Variants in KCNQ1 observed in about 807,000 individuals in gnomAD.
The protein encoded by KCNQ1 is potassium voltage-gated channel subfamily KQT member 1.
Under a neutral mutation model 72.4 loss-of-function variants are expected in KCNQ1, and 49 were observed. That is an observed-to-expected ratio of 0.68 (90% CI 0.54 to 0.86). KCNQ1 has a LOEUF of 0.86. Among genes scored for constraint, KCNQ1 ranks in the 40% least tolerant of loss-of-function variants. The pLI is 0.00. For synonymous variants in KCNQ1, 450 were observed against 412.6 expected, an observed-to-expected ratio of 1.09 and a Z score of -1.10; for missense variants, 790 against 945.1, an observed-to-expected ratio of 0.84 and a Z score of 2.15.
At position 2,590,631 on chromosome 11, in the gene KCNQ1, G is replaced by C. The variant is rs1017038267; in HGVS notation, c.1393+1777G>C. On this transcript the variant is annotated intron_variant, in intron 10 of 15. Coordinates refer to ENST00000155840, the MANE Select transcript of KCNQ1 (RefSeq NM_000218.3). ...CATCACGCACGTGGGCCTTGCATTG[G>C]TTCCTGCTTACTTTGTCTCTGCTGA... is the stretch of plus-strand genomic sequence containing the variant. Among the ~76,000 whole-genome samples, 8 of 152,208 alleles carry C rather than the reference G, an allele frequency of 5.3e-5. No individual in the cohort carries two copies. In the South Asian group the frequency reaches 1.7e-3, roughly 31 times the overall value.
intron 10 of KCNQ1, chr11:2,615,010 C>G (rs1849038546): frequency 2.5e-6 from 1 of 398,282 alleles, no homozygotes; most frequent in African/African-American, 2.1e-5. Context: ...AATATTTAAT[C>G]TTCCAATCTG....
At position 2,647,219 on chromosome 11, in the gene KCNQ1, CTATT is replaced by C. The variant is rs1336684727; in HGVS notation, c.1394-14741_1394-14738del. The C allele has an allele frequency of 5.0e-6, 2 of 398,106 alleles. No homozygotes were observed. The highest frequency in any genetic ancestry group is 8.8e-6 in the Non-Finnish European group (2 of 226,002). 24.7% of individuals were successfully genotyped at this position (398,106 alleles called of 1,614,324 possible). On this transcript the variant is annotated intron_variant, in intron 10 of 15. Coordinates refer to ENST00000155840, the MANE Select transcript of KCNQ1 (RefSeq NM_000218.3). The surrounding 1 kb of genome is among the most constrained non-coding windows in gnomAD (Gnocchi z 4.0). ...ATTTTATCAGATGCTTTTTCTGCAT[CTATT>C]GAGATGATCATGTATTTTTTTGTCC...
Position 2,541,104 on chromosome 11 carries a change from C to G in KCNQ1, c.477+13086C>G, listed in dbSNP as rs573002588. ...ACGTGCCTGCATGCACACGTGCACACGTGCACACCCAGCCCTGGACCTCAG... is the reference window on the plus strand; with the variant it reads ...ACGTGCCTGCATGCACACGTGCACAGGTGCACACCCAGCCCTGGACCTCAG... On this transcript the variant is annotated intron_variant, in intron 2 of 15. Transcript: ENST00000155840. This position sits in a 1 kb window ranked among gnomAD's most constrained non-coding sequence, Gnocchi z 4.8. Among the ~76,000 whole-genome samples the G allele has an allele frequency of 1.3e-5, 2 of 152,250 alleles. No individual in the cohort carries two copies. Among genetic ancestry groups the G allele is most frequent in the Non-Finnish European group, 2.9e-5 (2 of 68,040 alleles).
Position 2,708,111 on chromosome 11 carries a change from G to A in KCNQ1, c.1514+46030G>A, listed in dbSNP as rs530906002. Among the ~76,000 whole-genome samples, 31 of 152,332 alleles carry A rather than the reference G, an allele frequency of 2.0e-4. 1 individual carries two copies. The South Asian group carries it at 6.0e-3, about 30-fold the overall frequency. Reference sequence around the variant, plus strand: ...AGATCGGGGGCACCCAGGAGACCACGCTCATGAATTGTTCCACTTGAACAC... The same window carrying A: ...AGATCGGGGGCACCCAGGAGACCACACTCATGAATTGTTCCACTTGAACAC... On this transcript the variant is annotated intron_variant, in intron 11 of 15. Coordinates refer to ENST00000155840, the MANE Select transcript of KCNQ1 (RefSeq NM_000218.3).
Position 2,809,820 on chromosome 11 carries a change from C to CCCAAACCCTCCTT in KCNQ1, c.1794+31786_1794+31798dup, listed in dbSNP as rs1405333661. On this transcript the variant is annotated intron_variant, in intron 15 of 15. Coordinates refer to ENST00000155840, the MANE Select transcript of KCNQ1 (RefSeq NM_000218.3). This position sits in a 1 kb window ranked among gnomAD's most constrained non-coding sequence, Gnocchi z 7.1. ...CTGTCTCTAATTGATGTGTTTTCCT[C>CCCAAACCCTCCTT]CCAAACCCTCCTTCCTTGCATAATT... 2.0e-5 allele frequency among the ~76,000 whole-genome samples: 3 copies of CCCAAACCCTCCTT among 152,132 alleles called. No individual in the cohort carries two copies. Among genetic ancestry groups the CCCAAACCCTCCTT allele is most frequent in the African/African-American group, 7.2e-5 (3 of 41,404 alleles).
intron 10 of KCNQ1, chr11:2,637,328 A>C (rs949389682): frequency 6.6e-6 from 1 of 152,162 alleles, no homozygotes; most frequent in Non-Finnish European, 1.5e-5. Context: ...TAGTGCTATA[A>C]ATTTCCCTCT....
In KCNQ1 at chr11:2,817,196, C is replaced by T. The variant is rs777932806; in HGVS notation, c.1795-30571C>T. Among the ~76,000 whole-genome samples, 3 of 152,254 alleles carry T rather than the reference C, an allele frequency of 2.0e-5. No individual in the cohort carries two copies. Among genetic ancestry groups the T allele is most frequent in the South Asian group, 2.1e-4 (1 of 4,838 alleles). Reference sequence around the variant, plus strand: ...AAGGGTTAACGGTGCAAGCTCCTCACGGCACCAGTGCGCTTGCCTTTGACA... The same window carrying T: ...AAGGGTTAACGGTGCAAGCTCCTCATGGCACCAGTGCGCTTGCCTTTGACA... On this transcript the variant is annotated intron_variant, in intron 15 of 15. Transcript: ENST00000155840. The surrounding 1 kb of genome is among the most constrained non-coding windows in gnomAD (Gnocchi z 6.1).
At position 2,541,318 on chromosome 11, in the gene KCNQ1, G is replaced by C. The variant is rs913319392; in HGVS notation, c.477+13300G>C. ...GCACCATGTGCTGAGAATGATGCGT[G>C]CATTCAGAGCAGCATTTGGTGGGGA... On this transcript the variant is annotated intron_variant, in intron 2 of 15. Transcript: ENST00000155840. This position sits in a 1 kb window ranked among gnomAD's most constrained non-coding sequence, Gnocchi z 4.8. 6.6e-6 allele frequency among the ~76,000 whole-genome samples: 1 copy of C among 152,248 alleles called. No homozygotes were observed. Among genetic ancestry groups the C allele is most frequent in the Admixed American group, 6.5e-5 (1 of 15,292 alleles).
At chr11:2,540,475 C>T (rs768881195) in intron 2 of KCNQ1, among the ~76,000 whole-genome samples, 9 of 152,320 alleles carry the variant, frequency 5.9e-5, no homozygotes, top group Non-Finnish European at 1.0e-4. Context: ...TTTCTTTCTC[C>T]CGGGTATAAA....
At chr11:2,777,794 C>T (rs1846737063) in intron 14 of KCNQ1, 182 bp from the exon 15 acceptor site, 1 of 643,664 alleles carries the variant, frequency 1.6e-6, no homozygotes, top group Non-Finnish European at 2.8e-6. Context: ...CAGCCATGCC[C>T]GGCCACCGTA....
At position 2,651,177 on chromosome 11, in the gene KCNQ1, C is replaced by T. The variant is rs1236083782; in HGVS notation, c.1394-10784C>T. ...TACAGTGGATCTTGCTGCTTCCCTA[C>T]TCAAATGTTCCGACAGCTTCCTGTC... is the stretch of plus-strand genomic sequence containing the variant. On this transcript the variant is annotated intron_variant, in intron 10 of 15. Transcript: ENST00000155840. This position sits in a 1 kb window ranked among gnomAD's most constrained non-coding sequence, Gnocchi z 6.1. 1.8e-5 allele frequency: 7 copies of T among 398,230 alleles called. No homozygotes were observed. In the East Asian group the frequency reaches 2.5e-4, roughly 14 times the overall value. The allele number at this position is 398,230 out of a possible 1,614,324, so 24.7% of individuals were successfully genotyped here. A position where few individuals can be genotyped will look rare whatever the true frequency, so the allele number is the denominator to read the frequency against.
intron 11 of KCNQ1, chr11:2,697,117 G>A (rs1448388739): frequency 5.0e-6 from 2 of 398,444 alleles, no homozygotes; most frequent in Non-Finnish European, 8.8e-6. Context: ...CAAAGATAAA[G>A]AGTTTTCCAG....
chr11:2,574,699 A>T (rs904741792), intron 6 of KCNQ1, among the ~76,000 whole-genome samples: 1 of 152,112 alleles, frequency 6.6e-6, no homozygotes, highest in Non-Finnish European at 1.5e-5. Flanking sequence ...TTCCCCCATG[A>T]GGCCAGACAC....
At chr11:2,560,299 G>C in intron 2 of KCNQ1, among the ~76,000 whole-genome samples, 1 of 57,048 alleles carries the variant, frequency 1.8e-5, no homozygotes, top group East Asian at 6.9e-4. Flanking sequence ...GGGGAGTGGG[G>C]GCGGTGACGT....
In KCNQ1 at chr11:2,683,838, C is replaced by G; in HGVS notation, c.1514+21757C>G. 1 of 398,664 alleles carries G rather than the reference C, an allele frequency of 2.5e-6. No individual in the cohort carries two copies. Among genetic ancestry groups the G allele is most frequent in the South Asian group, 1.3e-4 (1 of 7,860 alleles). The allele number at this position is 398,664 out of a possible 1,614,324, so 24.7% of individuals were successfully genotyped here. A position where few individuals can be genotyped will look rare whatever the true frequency, so the allele number is the denominator to read the frequency against. On this transcript the variant is annotated intron_variant, in intron 11 of 15. Transcript: ENST00000155840. This position sits in a 1 kb window ranked among gnomAD's most constrained non-coding sequence, Gnocchi z 4.7. ...GCTTGCAGAATGGCTTTGTTGGATT[C>G]CCCTCCCTGGCCCCACACTCACTGC...
intron 2 of KCNQ1, among the ~76,000 whole-genome samples, chr11:2,530,409 G>C (rs944006947): frequency 1.3e-4 from 20 of 152,250 alleles, no homozygotes; most frequent in Non-Finnish European, 2.2e-4. Flanking sequence ...TGACCTGGTA[G>C]TTGTCCCTGG....
chr11:2,718,523 G>A (rs1851139024), intron 11 of KCNQ1, among the ~76,000 whole-genome samples: 1 of 152,240 alleles, frequency 6.6e-6, no homozygotes, highest in South Asian at 2.1e-4. Flanking sequence ...GTGGATGCAA[G>A]GCTGACTCGT....
In KCNQ1 at chr11:2,782,977, A is replaced by G. The variant is rs976782074; in HGVS notation, c.1794+4940A>G. Among the ~76,000 whole-genome samples the G allele has an allele frequency of 1.3e-5, 2 of 151,724 alleles. No individual in the cohort carries two copies. The highest frequency in any genetic ancestry group is 6.6e-5 in the Admixed American group (1 of 15,250). On this transcript the variant is annotated intron_variant, in intron 15 of 15. Coordinates refer to ENST00000155840, the MANE Select transcript of KCNQ1 (RefSeq NM_000218.3). The surrounding 1 kb of genome is among the most constrained non-coding windows in gnomAD (Gnocchi z 6.1). ...GCCTTAATATACTGTTCTTTCTCTA[A>G]CCTCTCTAAATTAAGAAGAGGATAA... is the stretch of plus-strand genomic sequence containing the variant.
intron 15 of KCNQ1, among the ~76,000 whole-genome samples, chr11:2,802,622 C>T (rs1847289841): frequency 6.6e-6 from 1 of 152,188 alleles, no homozygotes; most frequent in Admixed American, 6.5e-5. Flanking sequence ...GGGCCAGACC[C>T]CAAGGCTTAG....
Sources: gnomAD v4.1 joint callset for allele counts (sites outside exome capture counted in the v4.1 genomes callset) on GRCh38, gnomAD v4.1.1 for gene constraint, Gnocchi (gnomAD v3.1) non-coding constraint, MANE v1.5 for transcripts, NCBI Gene and HGNC (gene_info 2026-07-23, HGNC 2026-07-21) for gene names.